Variants in MAST1 observed in about 807,000 individuals in gnomAD.
The protein encoded by MAST1 is microtubule-associated serine/threonine-protein kinase 1.
MAST1 carries 40 observed loss-of-function variants against 124.6 expected under a neutral mutation model. The ratio of observed to expected loss-of-function variants is 0.32; its 90% CI spans 0.25 to 0.42. The LOEUF is 0.42. MAST1 is among the 10% of genes least tolerant of loss of function. The pLI is 1.00. For missense variants in MAST1, 1,558 were observed against 2,181.9 expected (o/e 0.71, Z 5.70); for synonymous variants, 938 against 939.4 (o/e 1.00, Z 0.03).
In MAST1 at chr19:12,873,182, C is replaced by A. The variant is rs1229141566; in HGVS notation, c.3264-142C>A. ...AAGCAGCACTGAGCTAAAGGAAGTT[C>A]TTTATCTTGATAGGTGGGTTGTAGC... On this transcript the variant is annotated intron_variant, in intron 24 of 25. Coordinates refer to ENST00000251472, the MANE Select transcript of MAST1 (RefSeq NM_014975.3). The A allele has an allele frequency of 3.9e-6, 3 of 772,994 alleles. No individual in the cohort carries two copies. The African/African-American group carries it at 5.3e-5, about 14-fold the overall frequency. The allele number at this position is 772,994 out of a possible 1,614,324, so 47.9% of individuals were successfully genotyped here.
chr19:12,855,632 A>G (rs1970008954), intron 10 of MAST1, among the ~76,000 whole-genome samples: 1 of 152,240 alleles, frequency 6.6e-6, no homozygotes, highest in African/African-American at 2.4e-5. Flanking sequence ...TTGTGTCTAT[A>G]CAGTCACACA....
intron 10 of MAST1, among the ~76,000 whole-genome samples, chr19:12,856,159 A>G (rs1296781811): frequency 2.0e-5 from 3 of 152,060 alleles, no homozygotes; most frequent in Non-Finnish European, 4.4e-5. Flanking sequence ...CTTTTTATGT[A>G]ATATCTATGT....
At chr19:12,868,475 A>T (rs1169090264) in intron 20 of MAST1, 168 bp from the exon 21 acceptor site, 2 of 597,410 alleles carry the variant, frequency 3.3e-6, no homozygotes, top group Non-Finnish European at 5.8e-6. Context: ...AGACCGATAC[A>T]GACTATGTCT....
At position 12,865,143 on chromosome 19, in the gene MAST1, A is replaced by G; in HGVS notation, c.1603A>G (p.Ile535Val). ...SLTTNLYEGH[I>V]EKDAREFLDK... ...CACCACCAACTTATATGAAGGCCAC[A>G]TCGAGAAGGACGCCCGAGAGTTCCT... The change falls in exon 14 of 26, where the codon ATC (isoleucine) becomes GTC (valine). Residue 535 changes from isoleucine to valine, a missense_variant. Around this residue, in one of 10 missense-constraint regions of MAST1, gnomAD observed 145 missense variants for 350.0 expected, o/e 0.41. Transcript: ENST00000251472. This position sits in a 1 kb window ranked among gnomAD's most constrained non-coding sequence, Gnocchi z 7.1. The G allele has an allele frequency of 6.2e-7, 1 of 1,614,126 alleles. No homozygotes were observed. The highest frequency in any genetic ancestry group is 1.1e-5 in the South Asian group (1 of 91,082).
chr19:12,873,136 G>A (rs569051031), intron 24 of MAST1, 188 bp from the exon 25 acceptor site: 129 of 609,802 alleles, frequency 2.1e-4, no homozygotes, highest in Non-Finnish European at 3.5e-4. Flanking sequence ...GGGGTGGGTG[G>A]GGACTGAAGT....
Position 12,874,282 on chromosome 19 carries a change from G to C in MAST1, c.4125G>C (p.Thr1375=). 3.1e-6 allele frequency: 5 copies of C among 1,589,788 alleles called. No individual in the cohort carries two copies. In the South Asian group the frequency reaches 4.4e-5, roughly 14 times the overall value. ...AGGCGTGCACCCCACCCCGCGCGAC[G>C]ACCCCCGGTGGCCGGACCCTGGAGC... is the stretch of plus-strand genomic sequence containing the variant. ...GAEACTPPRA[T]TPGGRTLERD... Residue 1375 remains threonine (T), a synonymous_variant, in exon 26 of 26, where the codon ACG becomes ACC. Coordinates refer to ENST00000251472, the MANE Select transcript of MAST1 (RefSeq NM_014975.3). This position sits in a 1 kb window ranked among gnomAD's most constrained non-coding sequence, Gnocchi z 6.6.
chr19:12,840,607 G>A, intron 2 of MAST1, 73 bp downstream of exon 2: 2 of 1,135,766 alleles, frequency 1.8e-6, no homozygotes, highest in Admixed American at 2.0e-5. Context: ...GAGGAAGCGT[G>A]GTCATGCTAC....
chr19:12,853,853 G>C (rs1026575597), intron 10 of MAST1, among the ~76,000 whole-genome samples: 1 of 146,938 alleles, frequency 6.8e-6, no homozygotes, highest in Admixed American at 7.0e-5. Flanking sequence ...CTGGGCAACA[G>C]AGCGAGACTC....
At position 12,870,813 on chromosome 19, in the gene MAST1, T is replaced by C. The variant is rs770392544; in HGVS notation, c.3004-11T>C. The C allele has an allele frequency of 6.3e-7, 1 of 1,596,260 alleles. No homozygotes were observed. Among genetic ancestry groups the C allele is most frequent in the Non-Finnish European group, 8.5e-7 (1 of 1,170,096 alleles). On this transcript the variant is annotated splice_polypyrimidine_tract_variant and intron_variant, in intron 22 of 25. Coordinates refer to ENST00000251472, the MANE Select transcript of MAST1 (RefSeq NM_014975.3). The stretch of plus-strand genomic sequence containing the variant: ...CACTAACCCTGTCCCTATGGGGTGC[T>C]CTTTTCCCAGCATGTGGAGGAAGGA...
Position 12,873,471 on chromosome 19 carries a change from C to T in MAST1, c.3411C>T (p.Pro1137=). 1.9e-6 allele frequency: 3 copies of T among 1,609,656 alleles called. No individual in the cohort carries two copies. The highest frequency in any genetic ancestry group is 1.7e-6 in the Non-Finnish European group (2 of 1,179,586). Residue 1137 remains proline (P), a synonymous_variant, in exon 25 of 26, where the codon CCC becomes CCT. Transcript: ENST00000251472. ...SPTHGLPARS[P]THSYRSTPDS... ...CGCACGGGCTGCCGGCGCGCTCGCC[C>T]ACGCACAGCTACCGCTCCACGCCTG...
intron 8 of MAST1, 28 bp downstream of exon 8, chr19:12,852,063 G>T: frequency 6.2e-7 from 1 of 1,613,892 alleles, no homozygotes; most frequent in Non-Finnish European, 8.5e-7. Flanking sequence ...GGGTAGGGGT[G>T]GGTTGGTAGA....
chr19:12,865,650 A>G lies in MAST1; in HGVS notation c.1805-67A>G. 1.4e-6 allele frequency: 2 copies of G among 1,474,736 alleles called. No homozygotes were observed. The highest frequency in any genetic ancestry group is 4.6e-5 in the East Asian group (2 of 43,632). 91.4% of individuals were successfully genotyped at this position (1,474,736 alleles called of 1,614,324 possible). ...CCACTGCACTCCAGCTGGGTGACAC[A>G]GTGAGATCCTGTGTCCAAACAACAA... On this transcript the variant is annotated intron_variant, in intron 15 of 25. Transcript: ENST00000251472. This position sits in a 1 kb window ranked among gnomAD's most constrained non-coding sequence, Gnocchi z 7.1.
chr19:12,841,132 C>T lies in MAST1; in HGVS notation c.248+66C>T, dbSNP rs1255029543. ...CCCTCCCCAACCACTGTCTGGGCCG[C>T]CATCTGTTCTCCTCCTAATTGCACC... On this transcript the variant is annotated intron_variant, in intron 3 of 25. Coordinates refer to ENST00000251472, the MANE Select transcript of MAST1 (RefSeq NM_014975.3). The surrounding 1 kb of genome is among the most constrained non-coding windows in gnomAD (Gnocchi z 4.3). The T allele has an allele frequency of 2.5e-5, 20 of 801,902 alleles. No individual in the cohort carries two copies. In the Admixed American group the frequency reaches 3.7e-4, roughly 15 times the overall value. The allele number at this position is 801,902 out of a possible 1,614,324, so 49.7% of individuals were successfully genotyped here.
At chr19:12,848,342 G>A (rs1206246956) in intron 7 of MAST1, 1 of 381,018 alleles carries the variant, frequency 2.6e-6, no homozygotes, top group Non-Finnish European at 4.9e-6. Flanking sequence ...AAACTCGGCC[G>A]GGCTCGGTGG....
rs756026271 is a variant in MAST1 at position 12,874,756 on chromosome 19, G to T, written c.4599G>T (p.Leu1533Phe). 8 of 1,605,056 alleles carry T rather than the reference G, an allele frequency of 5.0e-6. No individual in the cohort carries two copies. The South Asian group carries it at 8.8e-5, about 18-fold the overall frequency. ...CCCCAGTCCCACCCGCATCCCTCTT[G>T]GGCTCAGGCACCAAGCCTCAAGTGG... ...AVTPVPPASL[L>F]GSGTKPQVGL... Residue 1533 changes from leucine (L) to phenylalanine (F), a missense_variant, in exon 26 of 26, where the codon TTG becomes TTT. Leu to Phe is a conservative substitution (Grantham distance 22). Around this residue, in one of 10 missense-constraint regions of MAST1, gnomAD observed 168 missense variants for 154.3 expected, o/e 1.09. Coordinates refer to ENST00000251472, the MANE Select transcript of MAST1 (RefSeq NM_014975.3). The surrounding 1 kb of genome is among the most constrained non-coding windows in gnomAD (Gnocchi z 6.6).
chr19:12,874,019 G>T lies in MAST1; in HGVS notation c.3862G>T (p.Glu1288Ter). The change falls in exon 26 of 26, where the codon GAG (glutamate) becomes TAG (stop). Residue 1288 changes from glutamate (E) to a stop codon, truncating the protein, a stop_gained. Transcript: ENST00000251472. LOFTEE classifies it low-confidence loss of function (END_TRUNC). The surrounding 1 kb of genome is among the most constrained non-coding windows in gnomAD (Gnocchi z 6.6). ...KKGALRKHSL[E>*]VGHPDFRKDF... ...GGGCGCGCTGCGCAAACACAGCCTCGAGGTGGGCCACCCGGATTTCCGCAA... is the reference window on the plus strand; with the variant it reads ...GGGCGCGCTGCGCAAACACAGCCTCTAGGTGGGCCACCCGGATTTCCGCAA... 1 of 1,606,232 alleles carries T rather than the reference G, an allele frequency of 6.2e-7. No homozygotes were observed.
chr19:12,839,514 T>C (rs963722062), intron 1 of MAST1, among the ~76,000 whole-genome samples: 5 of 152,240 alleles, frequency 3.3e-5, no homozygotes, highest in African/African-American at 1.2e-4. Context: ...TAAACAGATG[T>C]AGGGATCTTG....
chr19:12,840,304 T>C (rs532336096), intron 1 of MAST1, 142 bp from the exon 2 acceptor site: 1 of 632,734 alleles, frequency 1.6e-6, no homozygotes, highest in East Asian at 2.8e-5. Flanking sequence ...ACCACCTTTC[T>C]TCGAGAAACC....
intron 20 of MAST1, 62 bp from the exon 21 acceptor site, chr19:12,868,581 A>G: frequency 2.8e-6 from 4 of 1,408,912 alleles, no homozygotes; most frequent in Non-Finnish European, 3.9e-6. Context: ...CAGGCAGGGA[A>G]ACAGTATGTG....
Sources: gnomAD v4.1 joint callset for allele counts (sites outside exome capture counted in the v4.1 genomes callset) on GRCh38, gnomAD v4.1.1 for gene constraint, gnomAD v4.1.1 regional missense constraint, Gnocchi (gnomAD v3.1) non-coding constraint, MANE v1.5 for transcripts, NCBI Gene and HGNC (gene_info 2026-07-23, HGNC 2026-07-21) for gene names.